The following EAPP variants were observed in gnomAD, a reference collection of about 807,000 sequenced individuals.
EAPP encodes E2F associated phosphoprotein, also known as E2F-associated phosphoprotein.
A neutral mutation model predicts 34.3 loss-of-function variants in EAPP; 38 were observed. The observed-to-expected ratio is 1.11, with a 90% confidence interval of 0.85 to 1.45. EAPP has a LOEUF of 1.45. Among genes scored for constraint, EAPP ranks in the 40% most tolerant of loss-of-function variants. The pLI is 0.00. For missense variants in EAPP, 338 were observed against 343.7 expected, an observed-to-expected ratio of 0.98 and a Z score of 0.13; for synonymous variants, 113 against 117.6, an observed-to-expected ratio of 0.96 and a Z score of 0.25.
intron 3 of EAPP, among the ~76,000 whole-genome samples, chr14:34,532,928 C>T (rs1880344737): frequency 6.6e-6 from 1 of 152,190 alleles, no homozygotes; most frequent in South Asian, 2.1e-4. Context: ...CTGCCCACCT[C>T]TGCCTCCCAA....
rs766251211 is a variant in EAPP, at chr14:34,529,449, T to A, written c.379A>T (p.Lys127Ter). The change falls in exon 4 of 6, where the codon AAA (lysine) becomes TAA (stop). Residue 127 changes from lysine (K) to a stop codon, truncating the protein, a stop_gained. Transcript: ENST00000250454. LOFTEE classifies it high-confidence loss of function. The stretch of plus-strand genomic sequence containing the variant: ...TCATTTGTTGGAATCTTGTGTTGTT[T>A]CTTCTTTTTTTTCTTGGTCACCTGT... ...AVQVTKKKKKKQHKIPTNDEL... is the reference protein window; with the variant it reads ...AVQVTKKKKK 1.2e-6 allele frequency: 2 copies of A among 1,612,552 alleles called. No homozygotes were observed. Among genetic ancestry groups the A allele is most frequent in the Non-Finnish European group, 1.7e-6 (2 of 1,179,686 alleles).
chr14:34,538,584 A>ATT lies in EAPP; in HGVS notation c.74+969_74+970dup, dbSNP rs11376591. Reference sequence around the variant, plus strand: ...AATATGAGGAAACATTGTTCTTTTGATTTTTTTTTTTTTTAAGAAATGAGG... The same window carrying ATT: ...AATATGAGGAAACATTGTTCTTTTGATTTTTTTTTTTTTTTTAAGAAATGAGG... On this transcript the variant is annotated intron_variant, in intron 1 of 5. Transcript: ENST00000250454. Among the ~76,000 whole-genome samples the ATT allele has an allele frequency of 9.2e-3, 1,350 of 146,548 alleles. 15 individuals carry two copies. The highest frequency in any genetic ancestry group is 0.029 in the African/African-American group (1,149 of 40,000).
Position 34,536,158 on chromosome 14 carries a change from C to A in EAPP, c.192G>T (p.Glu64Asp). 1 of 1,613,130 alleles carries A rather than the reference C, an allele frequency of 6.2e-7. No individual in the cohort carries two copies. The highest frequency in any genetic ancestry group is 8.5e-7 in the Non-Finnish European group (1 of 1,179,684). Residue 64 changes from glutamate (E) to aspartate (D), a missense_variant, in exon 2 of 6, where the codon GAG (glutamate) becomes GAT (aspartate). By Grantham distance (45) the Glu-to-Asp change is conservative. Coordinates refer to ENST00000250454, the MANE Select transcript of EAPP (RefSeq NM_018453.4). ...ESSSEDEFEK[E>D]MEAELNSTMK... Reference sequence around the variant, plus strand: ...TGGTAGAATTTAATTCAGCTTCCATCTCCTTTTCAAATTCATCTTCACTAG... The same window carrying A: ...TGGTAGAATTTAATTCAGCTTCCATATCCTTTTCAAATTCATCTTCACTAG...
chr14:34,538,319 C>T (rs915712242), intron 1 of EAPP, among the ~76,000 whole-genome samples: 4 of 152,142 alleles, frequency 2.6e-5, no homozygotes, highest in African/African-American at 9.7e-5. Context: ...GTGGAGGCTA[C>T]AGTGAGCCAA....
rs1480782722 is a variant in EAPP at position 34,524,897 on chromosome 14, A to C, written c.471-90T>G. 4.3e-6 allele frequency: 4 copies of C among 940,230 alleles called. No homozygotes were observed. In the East Asian group the frequency reaches 9.8e-5, roughly 23 times the overall value. 58.2% of individuals were successfully genotyped at this position (940,230 alleles called of 1,614,324 possible). On this transcript the variant is annotated intron_variant, in intron 4 of 5. Coordinates refer to ENST00000250454, the MANE Select transcript of EAPP (RefSeq NM_018453.4). ...TTTTCCAATAAAAAGAACCAGTACT[A>C]TTCAGAGAAATGGCTAATTCTAGGA...
intron 3 of EAPP, among the ~76,000 whole-genome samples, chr14:34,530,829 C>T (rs1880257834): frequency 7.0e-6 from 1 of 142,104 alleles, no homozygotes; most frequent in Non-Finnish European, 1.5e-5. Context: ...TCTGTAATAC[C>T]AGCACTTTGG....
chr14:34,523,404 AT>A (rs1879983980), intron 5 of EAPP, among the ~76,000 whole-genome samples: 1 of 151,242 alleles, frequency 6.6e-6, no homozygotes, highest in South Asian at 2.1e-4. Context: ...TGCCCGGCTA[AT>A]TTTTTGTATT....
intron 5 of EAPP, among the ~76,000 whole-genome samples, chr14:34,523,372 G>A (rs1879981924): frequency 6.6e-6 from 1 of 151,660 alleles, no homozygotes; most frequent in East Asian, 1.9e-4. Flanking sequence ...GGAGTAGCTG[G>A]GACTACAGGC....
At chr14:34,534,160 T>G (rs1327731585) in intron 2 of EAPP, among the ~76,000 whole-genome samples, 1 of 150,144 alleles carries the variant, frequency 6.7e-6, no homozygotes, top group Admixed American at 6.7e-5. Context: ...TGAGACTGAG[T>G]CTCACTCTGT....
chr14:34,535,581 T>C (rs1294841084), intron 2 of EAPP, among the ~76,000 whole-genome samples: 5 of 151,066 alleles, frequency 3.3e-5, no homozygotes, highest in African/African-American at 4.9e-5. Flanking sequence ...TACAGGCGCC[T>C]GCCACCACGC....
At chr14:34,521,604 A>G (rs1334315360) in intron 5 of EAPP, among the ~76,000 whole-genome samples, 4 of 149,846 alleles carry the variant, frequency 2.7e-5, no homozygotes, top group Non-Finnish European at 5.9e-5. Context: ...TTTTTAGTTC[A>G]GCAAATATAT....
At chr14:34,524,657 A>ATATGTGTG in intron 5 of EAPP, 40 bp downstream of exon 5, 1 of 853,968 alleles carries the variant, frequency 1.2e-6, no homozygotes, top group African/African-American at 1.7e-5. Flanking sequence ...CAAAATATGT[A>ATATGTGTG]TGTGTGTGTG....
intron 1 of EAPP, chr14:34,539,332 G>C (rs1331229470): frequency 1.5e-6 from 1 of 689,472 alleles, no homozygotes; most frequent in Non-Finnish European, 2.7e-6. Context: ...GCGGTCCCCC[G>C]TGATTCCGGA....
intron 5 of EAPP, among the ~76,000 whole-genome samples, chr14:34,518,075 T>C (rs1879795740): frequency 6.6e-6 from 1 of 151,990 alleles, no homozygotes; most frequent in Non-Finnish European, 1.5e-5. Flanking sequence ...GCCCAGCCTC[T>C]TTCCTTCTAT....
chr14:34,534,504 CTA>C (rs1880400497), intron 2 of EAPP, among the ~76,000 whole-genome samples: 1 of 152,116 alleles, frequency 6.6e-6, no homozygotes. Context: ...TCAAAATGAA[CTA>C]TGTTTCATTA....
intron 5 of EAPP, among the ~76,000 whole-genome samples, chr14:34,520,292 C>CT (rs1229769071): frequency 1.3e-5 from 2 of 152,074 alleles, no homozygotes; most frequent in Admixed American, 6.6e-5. Flanking sequence ...TCACTGCAAC[C>CT]TCCACCTCCT....
At chr14:34,526,381 T>C (rs964025808) in intron 4 of EAPP, among the ~76,000 whole-genome samples, 1 of 151,470 alleles carries the variant, frequency 6.6e-6, no homozygotes, top group African/African-American at 2.4e-5. Flanking sequence ...TGAGCCGAAA[T>C]TGCGATACTG....
intron 5 of EAPP, among the ~76,000 whole-genome samples, chr14:34,518,220 T>C (rs958394468): frequency 2.0e-5 from 3 of 152,054 alleles, no homozygotes; most frequent in Non-Finnish European, 4.4e-5. Flanking sequence ...TGTTTCTTTA[T>C]GGTTTTCTAT....
intron 5 of EAPP, among the ~76,000 whole-genome samples, chr14:34,522,376 A>G (rs1258438222): frequency 6.6e-6 from 1 of 152,156 alleles, no homozygotes; most frequent in Non-Finnish European, 1.5e-5. Context: ...TTGGTCAGAG[A>G]GTTCACATAT....
Sources: gnomAD v4.1 joint callset for allele counts (sites outside exome capture counted in the v4.1 genomes callset) on GRCh38, gnomAD v4.1.1 for gene constraint, MANE v1.5 for transcripts, NCBI Gene and HGNC (gene_info 2026-07-23, HGNC 2026-07-21) for gene names.